KCNQ3: variants seen among roughly 807,000 people sequenced by gnomAD.
KCNQ3 encodes potassium voltage-gated channel subfamily KQT member 3.
In KCNQ3, 30 loss-of-function variants were observed where a neutral mutation model predicts 92.5. The ratio of observed to expected loss-of-function variants is 0.32; its 90% CI spans 0.24 to 0.44. KCNQ3 has a LOEUF of 0.44. Among genes scored for constraint, KCNQ3 ranks in the 20% least tolerant of loss-of-function variants. The pLI, the probability that KCNQ3 is intolerant of heterozygous loss-of-function variation, is 1.00. For synonymous variants in KCNQ3, 450 were observed against 468.8 expected, an observed-to-expected ratio of 0.96 and a Z score of 0.52; for missense variants, 913 against 1,140.3, an observed-to-expected ratio of 0.80 and a Z score of 2.87.
intron 1 of KCNQ3, among the ~76,000 whole-genome samples, chr8:132,403,016 C>CAAAAACAAAAAAAAAAAAAAAAAAAA (rs1554651755): frequency 1.5e-5 from 1 of 67,632 alleles, no homozygotes; most frequent in African/African-American, 8.6e-5. Context: ...GGCACCATCA[C>CAAAAACAAAAAAAAAAAAAAAAAAAA]AAAAAAAAAA....
At chr8:132,210,712 T>C (rs983700833) in intron 1 of KCNQ3, among the ~76,000 whole-genome samples, 1 of 152,180 alleles carries the variant, frequency 6.6e-6, no homozygotes, top group East Asian at 1.9e-4. Flanking sequence ...TTCCTGTGAC[T>C]GTAGAGATGT....
chr8:132,207,258 G>A (rs757902917), intron 1 of KCNQ3, among the ~76,000 whole-genome samples: 12 of 152,112 alleles, frequency 7.9e-5, no homozygotes, highest in Non-Finnish European at 1.8e-4. Context: ...GATTTTACAC[G>A]ATCTCTAGGG....
intron 1 of KCNQ3, among the ~76,000 whole-genome samples, chr8:132,337,816 A>G (rs1818406543): frequency 1.3e-5 from 2 of 152,350 alleles, no homozygotes. Context: ...TATTGCCCCA[A>G]AAACCTTTTG....
intron 1 of KCNQ3, among the ~76,000 whole-genome samples, chr8:132,393,408 A>G (rs1184529005): frequency 1.3e-5 from 2 of 152,192 alleles, no homozygotes; most frequent in African/African-American, 4.8e-5. Flanking sequence ...TGTTTCAACT[A>G]CTCAACTCTG....
rs769248820 is a variant in KCNQ3, at chr8:132,129,611, C to T, written c.2270G>A (p.Arg757Gln). The change falls in exon 15 of 15, where the codon CGA becomes CAA. Residue 757 changes from arginine (R) to glutamine (Q), a missense_variant. Transcript: ENST00000388996. The surrounding 1 kb of genome is among the most constrained non-coding windows in gnomAD (Gnocchi z 5.9). ...GTCAGCCTGGGAGTGGCAGCTCACT[C>T]GGGAGTCGAGAAGAGTCAAGATAGG... The part of the protein sequence containing the change: ...VLPILTLLDS[R>Q]VSCHSQADLQ... 36 of 1,613,952 alleles carry T rather than the reference C, an allele frequency of 2.2e-5. No homozygotes were observed. The highest frequency in any genetic ancestry group is 1.2e-4 in the South Asian group (11 of 91,068).
chr8:132,283,811 A>G (rs769308259), intron 1 of KCNQ3, among the ~76,000 whole-genome samples: 3 of 152,268 alleles, frequency 2.0e-5, no homozygotes, highest in Non-Finnish European at 4.4e-5. Flanking sequence ...ATCATCTTTC[A>G]TAAACTGGTT....
At chr8:132,192,990 T>C (rs1182825610) in intron 1 of KCNQ3, among the ~76,000 whole-genome samples, 1 of 152,182 alleles carries the variant, frequency 6.6e-6, no homozygotes, top group Non-Finnish European at 1.5e-5. Flanking sequence ...GCTCTTCTCT[T>C]ACTGCCCTGG....
intron 1 of KCNQ3, among the ~76,000 whole-genome samples, chr8:132,404,046 G>C: frequency 6.6e-6 from 1 of 152,178 alleles, no homozygotes; most frequent in Non-Finnish European, 1.5e-5. Context: ...CCACAGACCA[G>C]CCCTTGCCTG....
At chr8:132,304,862 G>A (rs1817367006) in intron 1 of KCNQ3, among the ~76,000 whole-genome samples, 1 of 150,264 alleles carries the variant, frequency 6.7e-6, no homozygotes, top group South Asian at 2.1e-4. Context: ...AATTCTCAAA[G>A]TGTGAAATGA....
chr8:132,173,795 C>A (rs1173257749), intron 6 of KCNQ3, among the ~76,000 whole-genome samples: 1 of 152,090 alleles, frequency 6.6e-6, no homozygotes, highest in Non-Finnish European at 1.5e-5. Context: ...TTTACATAAG[C>A]CAGTAAGTAA....
At chr8:132,283,803 C>A (rs1185298176) in intron 1 of KCNQ3, among the ~76,000 whole-genome samples, 2 of 152,234 alleles carry the variant, frequency 1.3e-5, no homozygotes, top group Non-Finnish European at 1.5e-5. Context: ...TTTCTGACAT[C>A]ATCTTTCATA....
chr8:132,175,768 G>A (rs1179770048), intron 4 of KCNQ3, among the ~76,000 whole-genome samples, 160 bp from the exon 5 acceptor site: 1 of 152,154 alleles, frequency 6.6e-6, no homozygotes, highest in Non-Finnish European at 1.5e-5. Flanking sequence ...ACTGTAAAAT[G>A]GGATCATTAA....
At chr8:132,340,186 T>C (rs1018395943) in intron 1 of KCNQ3, among the ~76,000 whole-genome samples, 1 of 152,144 alleles carries the variant, frequency 6.6e-6, no homozygotes, top group Non-Finnish European at 1.5e-5. Flanking sequence ...GTTCAACCAT[T>C]ATGGAAGACA....
intron 1 of KCNQ3, among the ~76,000 whole-genome samples, chr8:132,342,395 C>G (rs1400874501): frequency 6.6e-6 from 1 of 152,024 alleles, no homozygotes; most frequent in Non-Finnish European, 1.5e-5. Context: ...TTCTCGCCTT[C>G]TCAGGTGCGG....
chr8:132,179,491 T>A (rs569667852), intron 4 of KCNQ3, among the ~76,000 whole-genome samples: 6 of 152,010 alleles, frequency 3.9e-5, no homozygotes, highest in African/African-American at 7.3e-5. Context: ...TGTAATGGAG[T>A]GGCAATAGTG....
In KCNQ3 at chr8:132,253,742, G is replaced by A. The variant is rs567941940; in HGVS notation, c.387-67561C>T. ...AACCATTCAGTTTTCTCTTGGATTCGTCTTCACCGGTACTAATAGCACACA... is the reference window on the plus strand; with the variant it reads ...AACCATTCAGTTTTCTCTTGGATTCATCTTCACCGGTACTAATAGCACACA... On this transcript the variant is annotated intron_variant, in intron 1 of 14. Coordinates refer to ENST00000388996, the MANE Select transcript of KCNQ3 (RefSeq NM_004519.4). 5.9e-5 allele frequency among the ~76,000 whole-genome samples: 9 copies of A among 152,220 alleles called. No homozygotes were observed. In the South Asian group the frequency reaches 8.3e-4, roughly 14 times the overall value.
chr8:132,409,742 G>C (rs1820598511), intron 1 of KCNQ3, among the ~76,000 whole-genome samples: 1 of 152,172 alleles, frequency 6.6e-6, no homozygotes, highest in African/African-American at 2.4e-5. Context: ...CCCTATTTTA[G>C]AGTCAGTGCA....
In KCNQ3 at chr8:132,141,206, G is replaced by C; in HGVS notation, c.1388C>G (p.Pro463Arg). The C allele has an allele frequency of 6.2e-7, 1 of 1,614,216 alleles. No homozygotes were observed. Among genetic ancestry groups the C allele is most frequent in the Non-Finnish European group, 8.5e-7 (1 of 1,180,036 alleles). ...IEESPSKEPK[P>R]VGLNNKERFR... The stretch of plus-strand genomic sequence containing the variant: ...ACGCTCTTTATTGTTTAAGCCAACA[G>C]GCTTTGGTTCTTTAGAAGGACTTTC... The change falls in exon 10 of 15, where the codon CCT becomes CGT. Residue 463 changes from proline to arginine, a missense_variant. Transcript: ENST00000388996.
intron 1 of KCNQ3, among the ~76,000 whole-genome samples, chr8:132,358,659 G>T (rs1819079949): frequency 1.5e-5 from 2 of 136,956 alleles, no homozygotes; most frequent in African/African-American, 6.0e-5. Context: ...TGTTCAAAAA[G>T]AATGGATGGT....
Sources: gnomAD v4.1 joint callset for allele counts (sites outside exome capture counted in the v4.1 genomes callset) on GRCh38, gnomAD v4.1.1 for gene constraint, Gnocchi (gnomAD v3.1) non-coding constraint, MANE v1.5 for transcripts, NCBI Gene and HGNC (gene_info 2026-07-23, HGNC 2026-07-21) for gene names.